PRKN: variants seen among roughly 807,000 people sequenced by gnomAD.
PRKN encodes parkin RBR E3 ubiquitin protein ligase, also known as E3 ubiquitin-protein ligase parkin.
PRKN carries 56 observed loss-of-function variants against 59.5 expected under a neutral mutation model. That is an observed-to-expected ratio of 0.94 (90% confidence interval 0.76 to 1.18). The LOEUF (loss-of-function observed/expected upper bound fraction) is 1.18. Ranked by LOEUF, PRKN falls within the 50% of genes most tolerant of loss-of-function variation. The pLI is 0.00. For synonymous variants in PRKN, 250 were observed against 222.1 expected (o/e 1.13, Z -1.12); for missense variants, 657 against 596.4 (o/e 1.10, Z -1.06).
chr6:162,556,342 G>GTT (rs1554243354), intron 1 of PRKN, among the ~76,000 whole-genome samples: 21 of 57,300 alleles, frequency 3.7e-4, no homozygotes, highest in African/African-American at 1.4e-3. Context: ...CTACTCAGCT[G>GTT]GTGTGTGTGT....
At chr6:161,769,682 T>C (rs1167069578) in intron 7 of PRKN, among the ~76,000 whole-genome samples, 1 of 152,180 alleles carries the variant, frequency 6.6e-6, no homozygotes, top group Non-Finnish European at 1.5e-5. Flanking sequence ...TGGGATTATA[T>C]GAAAGATGCA....
chr6:162,263,172 C>T (rs977943518), intron 2 of PRKN: 6 of 253,814 alleles, frequency 2.4e-5, no homozygotes, highest in East Asian at 1.0e-4. Flanking sequence ...CTCTGCCTGC[C>T]GGGTTCAAGC....
chr6:162,096,785 T>A (rs994058837), intron 4 of PRKN, among the ~76,000 whole-genome samples: 1 of 151,516 alleles, frequency 6.6e-6, no homozygotes, highest in Non-Finnish European at 1.5e-5. Flanking sequence ...CTTTTTTTTT[T>A]ATAAATTGCC....
intron 1 of PRKN, among the ~76,000 whole-genome samples, chr6:162,551,069 C>G (rs1489178420): frequency 6.6e-6 from 1 of 152,132 alleles, no homozygotes; most frequent in Non-Finnish European, 1.5e-5. Flanking sequence ...TCTTAGTGAT[C>G]TAGTGATCTG....
chr6:162,245,464 A>T (rs1482787956), intron 3 of PRKN, among the ~76,000 whole-genome samples: 135 of 151,952 alleles, frequency 8.9e-4, no homozygotes, highest in Non-Finnish European at 1.3e-4. Flanking sequence ...AGGTTGAAGA[A>T]AATTTTTGAC....
intron 4 of PRKN, among the ~76,000 whole-genome samples, chr6:162,169,973 T>C (rs994168330): frequency 3.2e-4 from 48 of 152,298 alleles, no homozygotes; most frequent in African/African-American, 1.1e-3. Context: ...TCCAACAGAA[T>C]ATCCTCGAGT....
chr6:161,807,703 A>C (rs971474461), intron 6 of PRKN, among the ~76,000 whole-genome samples: 3 of 151,988 alleles, frequency 2.0e-5, no homozygotes, highest in Non-Finnish European at 4.4e-5. Context: ...TCCTCACATC[A>C]CACTGCCTCT....
intron 7 of PRKN, among the ~76,000 whole-genome samples, chr6:161,572,002 A>T (rs964322272): frequency 6.6e-6 from 1 of 152,162 alleles, no homozygotes; most frequent in Non-Finnish European, 1.5e-5. Context: ...TCAGACACAG[A>T]CTGAATTAGA....
intron 2 of PRKN, among the ~76,000 whole-genome samples, chr6:162,295,847 G>GC (rs1781648498): frequency 1.3e-5 from 2 of 152,168 alleles, no homozygotes; most frequent in Non-Finnish European, 2.9e-5. Flanking sequence ...TTCAGGAGAT[G>GC]CCCCTTGACA....
chr6:161,542,429 T>C (rs1006788292), intron 9 of PRKN, among the ~76,000 whole-genome samples: 1 of 152,202 alleles, frequency 6.6e-6, no homozygotes, highest in East Asian at 1.9e-4. Flanking sequence ...GCTTTCCAGA[T>C]GAATGGTATG....
intron 7 of PRKN, among the ~76,000 whole-genome samples, chr6:161,637,063 C>G (rs940916175): frequency 1.3e-5 from 2 of 152,212 alleles, no homozygotes; most frequent in Non-Finnish European, 2.9e-5. Flanking sequence ...TCATAAAAGG[C>G]TTGAAATGAA....
intron 7 of PRKN, chr6:161,716,091 T>TCC: frequency 7.4e-7 from 1 of 1,345,810 alleles, no homozygotes. Flanking sequence ...CTCTCCTGAA[T>TCC]CCCCCCAGAG....
At chr6:161,721,257 G>C (rs1787209824) in intron 7 of PRKN, among the ~76,000 whole-genome samples, 1 of 152,188 alleles carries the variant, frequency 6.6e-6, no homozygotes, top group African/African-American at 2.4e-5. Context: ...ATGACCAACT[G>C]ATTTGTAAAA....
At position 161,360,739 on chromosome 6, in the gene PRKN, G is replaced by A. The variant is rs1475898116; in HGVS notation, c.1168-534C>T. 6.6e-6 allele frequency among the ~76,000 whole-genome samples: 1 copy of A among 152,138 alleles called. No individual in the cohort carries two copies. Among genetic ancestry groups the A allele is most frequent in the East Asian group, 1.9e-4 (1 of 5,186 alleles). On this transcript the variant is annotated intron_variant, in intron 10 of 11. Coordinates refer to ENST00000366898, the MANE Select transcript of PRKN (RefSeq NM_004562.3). The surrounding 1 kb of genome is among the most constrained non-coding windows in gnomAD (Gnocchi z 5.1). ...GGAACTCCAAATGTTGTCACAGAAG[G>A]GACAGGAGCAAGAACAGGAAATGAA...
At position 161,372,699 on chromosome 6, in the gene PRKN, C is replaced by T. The variant is rs1000807467; in HGVS notation, c.1168-12494G>A. Reference sequence around the variant, plus strand: ...GTCTGAATCCATAGGTCTGGGATTGCGCTCAAGGACTGGCAGTTCAACAAA... The same window carrying T: ...GTCTGAATCCATAGGTCTGGGATTGTGCTCAAGGACTGGCAGTTCAACAAA... On this transcript the variant is annotated intron_variant, in intron 10 of 11. Coordinates refer to ENST00000366898, the MANE Select transcript of PRKN (RefSeq NM_004562.3). The surrounding 1 kb of genome is among the most constrained non-coding windows in gnomAD (Gnocchi z 4.2). Among the ~76,000 whole-genome samples the T allele has an allele frequency of 5.3e-5, 8 of 152,106 alleles. No individual in the cohort carries two copies. The highest frequency in any genetic ancestry group is 1.7e-4 in the African/African-American group (7 of 41,412).
Position 161,569,396 on chromosome 6 carries a change from T to C in PRKN, c.892A>G (p.Ile298Val). Residue 298 changes from isoleucine (I) to valine (V), a missense_variant, in exon 8 of 12, where the codon ATT becomes GTT. Ile to Val is a conservative substitution (Grantham distance 29). Coordinates refer to ENST00000366898, the MANE Select transcript of PRKN (RefSeq NM_004562.3). ...ATCCTGAAGTGATGGAGCTCTTTAA[T>C]CAAGGAGTTGGGACAGCCAGCTGTT... ...PCVAGCPNSL[I>V]KELHHFRILG... 1 of 1,614,028 alleles carries C rather than the reference T, an allele frequency of 6.2e-7. No homozygotes were observed. The highest frequency in any genetic ancestry group is 8.5e-7 in the Non-Finnish European group (1 of 1,179,870).
intron 2 of PRKN, among the ~76,000 whole-genome samples, chr6:162,353,284 A>C (rs1355065710): frequency 6.6e-6 from 1 of 152,112 alleles, no homozygotes; most frequent in Non-Finnish European, 1.5e-5. Context: ...GTTAGCAGAA[A>C]ATACATAAGC....
chr6:162,686,332 T>C (rs1463551570), intron 1 of PRKN, among the ~76,000 whole-genome samples: 1 of 152,172 alleles, frequency 6.6e-6, no homozygotes, highest in Non-Finnish European at 1.5e-5. Flanking sequence ...GGACATTTAA[T>C]AAATGATAAC....
Position 161,428,018 on chromosome 6 carries a change from T to C in PRKN, c.1084-41141A>G, listed in dbSNP as rs1023023515. Reference sequence around the variant, plus strand: ...GTCCCGACAGAGGGTGACACTTGCATGGTTGCAGAAGGAAGCTCGCTGCAG... The same window carrying C: ...GTCCCGACAGAGGGTGACACTTGCACGGTTGCAGAAGGAAGCTCGCTGCAG... On this transcript the variant is annotated intron_variant, in intron 9 of 11. Coordinates refer to ENST00000366898, the MANE Select transcript of PRKN (RefSeq NM_004562.3). The surrounding 1 kb of genome is among the most constrained non-coding windows in gnomAD (Gnocchi z 4.0). Among the ~76,000 whole-genome samples, 2 of 152,096 alleles carry C rather than the reference T, an allele frequency of 1.3e-5. No homozygotes were observed. Among genetic ancestry groups the C allele is most frequent in the Non-Finnish European group, 1.5e-5 (1 of 68,010 alleles).
Sources: allele counts gnomAD v4.1 joint callset (sites outside exome capture counted in the v4.1 genomes callset), GRCh38; gene constraint gnomAD v4.1.1; non-coding constraint Gnocchi (gnomAD v3.1); transcripts MANE v1.5; gene names NCBI Gene and HGNC (gene_info 2026-07-23, HGNC 2026-07-21).